Variants in KDSR observed in about 807,000 individuals in gnomAD.
The protein encoded by KDSR is 3-dehydrosphinganine reductase.
A neutral mutation model predicts 41.3 loss-of-function variants in KDSR; 23 were observed. The observed-to-expected ratio is 0.56, with a 90% CI of 0.40 to 0.79. The LOEUF is 0.79. KDSR is among the 30% of genes least tolerant of loss of function. KDSR has a pLI of 0.00. For synonymous variants in KDSR, 138 were observed against 151.7 expected, an observed-to-expected ratio of 0.91 and a Z score of 0.66; for missense variants, 351 against 416.8, an observed-to-expected ratio of 0.84 and a Z score of 1.37.
At chr18:63,333,304 T>G (rs1436481757) in intron 9 of KDSR, among the ~76,000 whole-genome samples, 1 of 152,170 alleles carries the variant, frequency 6.6e-6, no homozygotes, top group Admixed American at 6.5e-5. Context: ...CAGGCTGATC[T>G]CAAACTCCTG....
intron 7 of KDSR, among the ~76,000 whole-genome samples, chr18:63,343,994 T>C (rs545866214): frequency 1.6e-4 from 24 of 152,140 alleles, no homozygotes; most frequent in Non-Finnish European, 2.2e-4. Flanking sequence ...CTGGGCGACA[T>C]AGTGAGACTC....
intron 2 of KDSR, among the ~76,000 whole-genome samples, chr18:63,361,172 T>A (rs1398333161): frequency 3.5e-5 from 4 of 114,022 alleles, no homozygotes; most frequent in African/African-American, 7.0e-5. Flanking sequence ...ACAGCGCCAC[T>A]GCACACCAGC....
At chr18:63,362,746 G>A (rs778897311) in intron 2 of KDSR, 33 bp downstream of exon 2, 4 of 1,425,008 alleles carry the variant, frequency 2.8e-6, no homozygotes, top group Non-Finnish European at 3.0e-6. Context: ...AGTCGAAGAA[G>A]CAAGTCAGTA....
At chr18:63,353,190 A>G (rs1168685521) in intron 5 of KDSR, among the ~76,000 whole-genome samples, 2 of 152,086 alleles carry the variant, frequency 1.3e-5, no homozygotes. Context: ...CCAAAAAAAA[A>G]AGAAAGTTCT....
intron 9 of KDSR, 108 bp downstream of exon 9, chr18:63,335,149 A>G (rs1473716020): frequency 4.5e-6 from 3 of 666,850 alleles, no homozygotes; most frequent in Non-Finnish European, 7.9e-6. Context: ...TACATTGTCA[A>G]ATAAAGTTAC....
Position 63,330,997 on chromosome 18 carries a change from T to A in KDSR, c.*785A>T, listed in dbSNP as rs1194126532. On this transcript the variant is annotated 3_prime_UTR_variant, in exon 10 of 10. Transcript: ENST00000645214. ...AGAAAACATTTAAGGAGGCTGCCTT[T>A]CCCCATGAATGAGAAATGAAACGTT... 1.7e-5 allele frequency: 4 copies of A among 231,704 alleles called. No homozygotes were observed. Among genetic ancestry groups the A allele is most frequent in the Non-Finnish European group, 3.4e-5 (4 of 116,934 alleles). The allele number at this position is 231,704 out of a possible 1,614,324, so 14.4% of individuals were successfully genotyped here.
chr18:63,361,080 A>C (rs1914967931), intron 2 of KDSR, among the ~76,000 whole-genome samples: 1 of 132,974 alleles, frequency 7.5e-6, no homozygotes. Flanking sequence ...ATACACACAC[A>C]CACACACACA....
chr18:63,347,226 G>A (rs577072765), intron 6 of KDSR, among the ~76,000 whole-genome samples: 3 of 152,106 alleles, frequency 2.0e-5, no homozygotes, highest in South Asian at 4.2e-4. Flanking sequence ...TTTGTGGGCC[G>A]GGTGCAGTGG....
chr18:63,337,803 C>G (rs369774664), intron 8 of KDSR, among the ~76,000 whole-genome samples: 1 of 152,262 alleles, frequency 6.6e-6, no homozygotes, highest in East Asian at 1.9e-4. Flanking sequence ...TTGTGAGCAC[C>G]TGTAATCCCA....
At chr18:63,365,414 T>C (rs1915106367) in intron 1 of KDSR, among the ~76,000 whole-genome samples, 1 of 152,238 alleles carries the variant, frequency 6.6e-6, no homozygotes, top group South Asian at 2.1e-4. Context: ...TCACTCTTCT[T>C]ATGACATTAA....
intron 6 of KDSR, 191 bp from the exon 7 acceptor site, chr18:63,344,684 C>T: frequency 3.9e-6 from 2 of 508,178 alleles, no homozygotes; most frequent in South Asian, 3.1e-5. Context: ...AGGCAAAAAG[C>T]TCACCCTAAC....
chr18:63,363,220 T>TTC (rs1915042820), intron 1 of KDSR, among the ~76,000 whole-genome samples: 2 of 126,242 alleles, frequency 1.6e-5, no homozygotes, highest in African/African-American at 6.2e-5. Flanking sequence ...TTTTTTTTTC[T>TTC]TTTTTTTTTT....
At chr18:63,347,933 G>A (rs946987504) in intron 6 of KDSR, among the ~76,000 whole-genome samples, 2 of 152,004 alleles carry the variant, frequency 1.3e-5, no homozygotes, top group Non-Finnish European at 2.9e-5. Flanking sequence ...CCTTAGTTTG[G>A]GGGCAAAGGG....
chr18:63,345,927 A>AG (rs1405176694), intron 6 of KDSR: 1 of 151,082 alleles, frequency 6.6e-6, no homozygotes, highest in African/African-American at 2.4e-5. Flanking sequence ...GGGTGACAAG[A>AG]GGGAGACTCC....
chr18:63,331,732 C>G lies in KDSR; in HGVS notation c.*50G>C. ...CCAAAAATTGGGTCCCATTTAGCAG[C>G]AAGCTGTTCAAATTATTTGGAAACA... On this transcript the variant is annotated 3_prime_UTR_variant, in exon 10 of 10. Coordinates refer to ENST00000645214, the MANE Select transcript of KDSR (RefSeq NM_002035.4). 3.1e-6 allele frequency: 5 copies of G among 1,592,312 alleles called. No individual in the cohort carries two copies. Among genetic ancestry groups the G allele is most frequent in the Non-Finnish European group, 3.4e-6 (4 of 1,169,022 alleles).
intron 2 of KDSR, among the ~76,000 whole-genome samples, chr18:63,360,740 C>A (rs1914935069): frequency 6.7e-6 from 1 of 149,468 alleles, no homozygotes. Context: ...AAAACTTAGC[C>A]AAGCATGGTG....
rs150637789 is a variant in KDSR at position 63,336,590 on chromosome 18, T to C, written c.778-1232A>G. 2.0e-5 allele frequency among the ~76,000 whole-genome samples: 3 copies of C among 152,334 alleles called. No individual in the cohort carries two copies. The East Asian group carries it at 5.8e-4, about 29-fold the overall frequency. On this transcript the variant is annotated intron_variant, in intron 8 of 9. Transcript: ENST00000645214. ...GTAATACTGATGAAAGCGATTTTTC[T>C]GATCACTCAGTCAACCCATATTTTC...
intron 3 of KDSR, among the ~76,000 whole-genome samples, chr18:63,356,707 G>A (rs977937440): frequency 1.1e-4 from 16 of 152,234 alleles, no homozygotes; most frequent in Non-Finnish European, 2.4e-4. Flanking sequence ...GAAGCCCAGA[G>A]CGGAGACAGT....
At chr18:63,361,062 A>ATTATATATAATAAAAAT (rs1914964478) in intron 2 of KDSR, among the ~76,000 whole-genome samples, 1 of 91,776 alleles carries the variant, frequency 1.1e-5, no homozygotes, top group African/African-American at 4.0e-5. Context: ...ATATATATGT[A>ATTATATATAATAAAAAT]AATATATATA....
Sources: allele counts gnomAD v4.1 joint callset (sites outside exome capture counted in the v4.1 genomes callset), GRCh38; gene constraint gnomAD v4.1.1; transcripts MANE v1.5; gene names NCBI Gene and HGNC (gene_info 2026-07-23, HGNC 2026-07-21).